Variants in OR51L1 observed in about 807,000 individuals in gnomAD.
OR51L1 encodes olfactory receptor family 51 subfamily L member 1.
In OR51L1, 1 loss-of-function variant was observed where a neutral mutation model predicts 1.4. The observed-to-expected ratio is 0.72, with a 90% confidence interval of 0.26 to 3.42. The LOEUF is 3.42. Ranked by LOEUF, OR51L1 falls within the 30% of genes most tolerant of loss-of-function variation. OR51L1 has a pLI of 0.20. For synonymous variants in OR51L1, 156 were observed against 144.2 expected, an observed-to-expected ratio of 1.08 and a Z score of -0.59; for missense variants, 378 against 380.0, an observed-to-expected ratio of 0.99 and a Z score of 0.04.
At position 4,999,825 on chromosome 11, in the gene OR51L1, C is replaced by G. The variant is rs61734126; in HGVS notation, c.843C>G (p.Ile281Met). 166,780 of 1,613,446 alleles carry G rather than the reference C, an allele frequency of 0.1. 9,262 individuals carry two copies. Among genetic ancestry groups the G allele is most frequent in the East Asian group, 0.17 (7,773 of 44,824 alleles). The change falls in exon 3 of 3, where the codon ATC (isoleucine) becomes ATG (methionine). Residue 281 changes from isoleucine (I) to methionine (M), a missense_variant. Ile to Met is a conservative substitution (Grantham distance 10). Coordinates refer to ENST00000641819, the MANE Select transcript of OR51L1 (RefSeq NM_001004755.2). Reference sequence around the variant, plus strand: ...TAGTCCACATCCTCATGGCAGACATCTACCTTCTTCTTCCCCCAGTCCTTA... The same window carrying G: ...TAGTCCACATCCTCATGGCAGACATGTACCTTCTTCTTCCCCCAGTCCTTA... ...SPIVHILMAD[I>M]YLLLPPVLNP... is the part of the protein sequence containing the mutation.
intron 2 of OR51L1, among the ~76,000 whole-genome samples, chr11:4,998,054 G>T (rs758741558): frequency 1.3e-5 from 2 of 152,118 alleles, no homozygotes; most frequent in Non-Finnish European, 2.9e-5. Context: ...CTGAAAACAT[G>T]TAATAGATAA....
At position 4,999,384 on chromosome 11, in the gene OR51L1, C is replaced by T; in HGVS notation, c.402C>T (p.Tyr134=). 1 of 1,614,162 alleles carries T rather than the reference C, an allele frequency of 6.2e-7. No homozygotes were observed. Among genetic ancestry groups the T allele is most frequent in the South Asian group, 1.1e-5 (1 of 91,082 alleles). Residue 134 remains tyrosine (Y), a synonymous_variant, in exon 3 of 3, where the codon TAC becomes TAT. Transcript: ENST00000641819. ...TTGCTATCTGCCATCCACTGCACTA[C>T]CCCACCATCCTCACCAACAGTGTAA... ...RFVAICHPLH[Y]PTILTNSVIG... is the part of the protein sequence containing the mutation.
Position 4,999,275 on chromosome 11 carries a change from C to G in OR51L1, c.293C>G (p.Ala98Gly), listed in dbSNP as rs747539456. The stretch of plus-strand genomic sequence containing the variant: ...GATGCTCCAGAGATCCAGGCAAGTG[C>G]TTGCTATGCTCAGCTGTTCTTCATC... ...WLDAPEIQAS[A>G]CYAQLFFIHT... The change falls in exon 3 of 3, where the codon GCT becomes GGT. Residue 98 changes from alanine (A) to glycine (G), a missense_variant. Ala to Gly is a moderately conservative substitution (Grantham distance 60). Coordinates refer to ENST00000641819, the MANE Select transcript of OR51L1 (RefSeq NM_001004755.2). 9.9e-5 allele frequency: 160 copies of G among 1,614,018 alleles called. No individual in the cohort carries two copies. The highest frequency in any genetic ancestry group is 1.3e-4 in the Non-Finnish European group (154 of 1,180,022).
At chr11:4,996,653 G>T (rs1847071052) in intron 1 of OR51L1, among the ~76,000 whole-genome samples, 2 of 151,830 alleles carry the variant, frequency 1.3e-5, no homozygotes, top group Non-Finnish European at 2.9e-5. Context: ...TGTGGCCACA[G>T]TTTTCTTTTC....
In OR51L1 at chr11:5,003,281, C is replaced by A. The variant is rs1450481832; in HGVS notation, c.*3351C>A. ...ACCCACATGCACAGTGCCCTCCTTA[C>A]CCTTAGGAAGTGAGCATGCACAGTG... On this transcript the variant is annotated 3_prime_UTR_variant, in exon 3 of 3. Coordinates refer to ENST00000641819, the MANE Select transcript of OR51L1 (RefSeq NM_001004755.2). 4 of 152,036 alleles carry A rather than the reference C, an allele frequency of 2.6e-5. No individual in the cohort carries two copies. The highest frequency in any genetic ancestry group is 7.3e-5 in the African/African-American group (3 of 41,374). The allele number at this position is 152,036 out of a possible 1,614,324, so 9.4% of individuals were successfully genotyped here.
Position 5,003,657 on chromosome 11 carries a change from T to C in OR51L1, c.*3727T>C, listed in dbSNP as rs905744847. ...AATAAAATTCTCAAGGATTCCTTTT[T>C]TTCAGGCAGATGAAACAGGATGAGA... On this transcript the variant is annotated 3_prime_UTR_variant, in exon 3 of 3. Coordinates refer to ENST00000641819, the MANE Select transcript of OR51L1 (RefSeq NM_001004755.2). The C allele has an allele frequency of 4.6e-5, 7 of 152,168 alleles. No individual in the cohort carries two copies. Among genetic ancestry groups the C allele is most frequent in the Non-Finnish European group, 1.0e-4 (7 of 68,036 alleles). The allele number at this position is 152,168 out of a possible 1,614,324, so 9.4% of individuals were successfully genotyped here.
At position 4,999,312 on chromosome 11, in the gene OR51L1, A is replaced by G. The variant is rs368384016; in HGVS notation, c.330A>G (p.Thr110=). 6.2e-7 allele frequency: 1 copy of G among 1,614,032 alleles called. No homozygotes were observed. The highest frequency in any genetic ancestry group is 8.5e-7 in the Non-Finnish European group (1 of 1,180,036). Residue 110 remains threonine (T), a synonymous_variant, in exon 3 of 3, where the codon ACA becomes ACG. Coordinates refer to ENST00000641819, the MANE Select transcript of OR51L1 (RefSeq NM_001004755.2). The stretch of plus-strand genomic sequence containing the variant: ...AGCTGTTCTTCATCCACACATTCAC[A>G]TTCCTGGAGTCCTCAGTGTTGCTGG... ...YAQLFFIHTF[T]FLESSVLLAM... is the part of the protein sequence containing the mutation.
At chr11:4,996,784 GTTTC>G (rs1466056296) in intron 1 of OR51L1, among the ~76,000 whole-genome samples, 24 of 58,846 alleles carry the variant, frequency 4.1e-4, no homozygotes, top group East Asian at 8.9e-4. Flanking sequence ...CTCTCTCTCT[GTTTC>G]TTTCTTTCTC....
rs1339966577 is a variant in OR51L1, at chr11:4,999,508, C to T, written c.526C>T (p.Leu176Phe). 6.2e-7 allele frequency: 1 copy of T among 1,614,066 alleles called. No individual in the cohort carries two copies. The highest frequency in any genetic ancestry group is 8.5e-7 in the Non-Finnish European group (1 of 1,180,006). The change falls in exon 3 of 3, where the codon CTC (leucine) becomes TTC (phenylalanine). Residue 176 changes from leucine to phenylalanine, a missense_variant. Transcript: ENST00000641819. ...RHYHYCHGNA[L>F]SHAFCLHQDV... ...CTATCACTACTGCCATGGCAATGCC[C>T]TCTCTCACGCCTTCTGTTTGCACCA...
rs1346096618 is a variant in OR51L1, at chr11:5,001,479, G to A, written c.*1549G>A. The A allele has an allele frequency of 6.6e-6, 1 of 152,144 alleles. No homozygotes were observed. Among genetic ancestry groups the A allele is most frequent in the Non-Finnish European group, 1.5e-5 (1 of 68,018 alleles). 9.4% of individuals were successfully genotyped at this position (152,144 alleles called of 1,614,324 possible). A position where few individuals can be genotyped will look rare whatever the true frequency, so the allele number is the denominator to read the frequency against. Reference sequence around the variant, plus strand: ...TGTGTTGACTCTGTTCAATACTATAGGACAGGATTTTGTGTCTTAATTTGT... The same window carrying A: ...TGTGTTGACTCTGTTCAATACTATAAGACAGGATTTTGTGTCTTAATTTGT... On this transcript the variant is annotated 3_prime_UTR_variant, in exon 3 of 3. Coordinates refer to ENST00000641819, the MANE Select transcript of OR51L1 (RefSeq NM_001004755.2).
In OR51L1 at chr11:4,998,000, A is replaced by G. The variant is rs531076019; in HGVS notation, c.-160+417A>G. Among the ~76,000 whole-genome samples the G allele has an allele frequency of 6.6e-4, 101 of 152,306 alleles. 1 individual carries two copies. The highest frequency in any genetic ancestry group is 2.4e-3 in the African/African-American group (99 of 41,578). On this transcript the variant is annotated intron_variant, in intron 2 of 2. Coordinates refer to ENST00000641819, the MANE Select transcript of OR51L1 (RefSeq NM_001004755.2). Reference sequence around the variant, plus strand: ...ATCGTTTGGAAACAGAAATCAATCAATCAAAAAAATCAATAGAAATAAAGT... The same window carrying G: ...ATCGTTTGGAAACAGAAATCAATCAGTCAAAAAAATCAATAGAAATAAAGT...
At position 4,999,675 on chromosome 11, in the gene OR51L1, A is replaced by T. The variant is rs1847109866; in HGVS notation, c.693A>T (p.Ala231=). 2 of 1,614,028 alleles carry T rather than the reference A, an allele frequency of 1.2e-6. No homozygotes were observed. Among genetic ancestry groups the T allele is most frequent in the South Asian group, 2.2e-5 (2 of 91,080 alleles). The stretch of plus-strand genomic sequence containing the variant: ...TTCTTAATACTGTGCTGGATATTGC[A>T]TCTCGTGAAGAGCAGCTAAAGGCAC... ...VLILNTVLDI[A]SREEQLKALN... is the part of the protein sequence containing the mutation. Residue 231 remains alanine, a synonymous_variant, in exon 3 of 3, where the codon GCA becomes GCT. Transcript: ENST00000641819.
At position 5,005,073 on chromosome 11, in the gene OR51L1, G is replaced by A. The variant is rs1011265622; in HGVS notation, c.*5143G>A. ...CAGACTGGAAAGGTAAATGGCCTCA[G>A]GCATCTGGGAAGGGCTACCCACAGA... is the stretch of plus-strand genomic sequence containing the variant. On this transcript the variant is annotated 3_prime_UTR_variant, in exon 3 of 3. Coordinates refer to ENST00000641819, the MANE Select transcript of OR51L1 (RefSeq NM_001004755.2). 2.0e-5 allele frequency: 3 copies of A among 152,098 alleles called. No individual in the cohort carries two copies. Among genetic ancestry groups the A allele is most frequent in the African/African-American group, 7.2e-5 (3 of 41,416 alleles). 9.4% of individuals were successfully genotyped at this position (152,098 alleles called of 1,614,324 possible).
Position 4,999,924 on chromosome 11 carries a change from G to GT in OR51L1, c.946dup (p.Ter316LeufsTer19). On this transcript the variant is annotated frameshift_variant, in exon 3 of 3. Coordinates refer to ENST00000641819, the MANE Select transcript of OR51L1 (RefSeq NM_001004755.2). LOFTEE classifies it high-confidence loss of function. ...TCCACAAGTTTGTCCTAAGGAGGAG[G>GT]TTTTAAGTAACCTCTGTCCTCCAAC... 6.2e-7 allele frequency: 1 copy of GT among 1,603,658 alleles called. No individual in the cohort carries two copies. Among genetic ancestry groups the GT allele is most frequent in the Non-Finnish European group, 8.5e-7 (1 of 1,174,070 alleles).
In OR51L1 at chr11:5,003,475, A is replaced by G. The variant is rs559632328; in HGVS notation, c.*3545A>G. The G allele has an allele frequency of 2.0e-5, 3 of 152,350 alleles. No homozygotes were observed. In the East Asian group the frequency reaches 5.8e-4, roughly 29 times the overall value. 9.4% of individuals were successfully genotyped at this position (152,350 alleles called of 1,614,324 possible). ...CAGTTTAGTGCAACAGGTGTGGACC[A>G]TCAGGAAATGGCCTCTCCCTGGCGC... On this transcript the variant is annotated 3_prime_UTR_variant, in exon 3 of 3. Transcript: ENST00000641819.
chr11:5,005,109 G>A lies in OR51L1; in HGVS notation c.*5179G>A, dbSNP rs1847164776. On this transcript the variant is annotated 3_prime_UTR_variant, in exon 3 of 3. Coordinates refer to ENST00000641819, the MANE Select transcript of OR51L1 (RefSeq NM_001004755.2). ...AGGGCTACCCACAGATCATTCATAA[G>A]TAAATTCTTTGCTTGCCTCCCATAA... 1 of 152,170 alleles carries A rather than the reference G, an allele frequency of 6.6e-6. No homozygotes were observed. The highest frequency in any genetic ancestry group is 2.4e-5 in the African/African-American group (1 of 41,436). 9.4% of individuals were successfully genotyped at this position (152,170 alleles called of 1,614,324 possible). A position where few individuals can be genotyped will look rare whatever the true frequency, so the allele number is the denominator to read the frequency against.
intron 1 of OR51L1, among the ~76,000 whole-genome samples, chr11:4,995,873 G>T (rs2133658595): frequency 6.6e-6 from 1 of 152,166 alleles, no homozygotes; most frequent in African/African-American, 2.4e-5. Context: ...GACAGATATG[G>T]CAGTGAGAGG....
chr11:5,004,903 A>G lies in OR51L1; in HGVS notation c.*4973A>G, dbSNP rs1405242754. On this transcript the variant is annotated 3_prime_UTR_variant, in exon 3 of 3. Coordinates refer to ENST00000641819, the MANE Select transcript of OR51L1 (RefSeq NM_001004755.2). ...TCAAGGCATATTTTTTGATATGAATACATAGTTCAGTCAGAACTATGTAAA... is the reference window on the plus strand; with the variant it reads ...TCAAGGCATATTTTTTGATATGAATGCATAGTTCAGTCAGAACTATGTAAA... 1.3e-5 allele frequency: 2 copies of G among 152,194 alleles called. No homozygotes were observed. The highest frequency in any genetic ancestry group is 4.8e-5 in the African/African-American group (2 of 41,448). 9.4% of individuals were successfully genotyped at this position (152,194 alleles called of 1,614,324 possible). A position where few individuals can be genotyped will look rare whatever the true frequency, so the allele number is the denominator to read the frequency against.
At position 4,998,876 on chromosome 11, in the gene OR51L1, A is replaced by G. The variant is rs1010001309; in HGVS notation, c.-107A>G. On this transcript the variant is annotated 5_prime_UTR_variant, in exon 3 of 3. Coordinates refer to ENST00000641819, the MANE Select transcript of OR51L1 (RefSeq NM_001004755.2). The stretch of plus-strand genomic sequence containing the variant: ...CTCTGTGAGGTTAGACGAAAGATGT[A>G]TTTTTGTCCTCATTCCATTATTTGT... The G allele has an allele frequency of 5.0e-5, 62 of 1,249,576 alleles. No homozygotes were observed. In the African/African-American group the frequency reaches 7.8e-4, roughly 16 times the overall value. The allele number at this position is 1,249,576 out of a possible 1,614,324, so 77.4% of individuals were successfully genotyped here. A position where few individuals can be genotyped will look rare whatever the true frequency, so the allele number is the denominator to read the frequency against.
Sources: allele counts gnomAD v4.1 joint callset (sites outside exome capture counted in the v4.1 genomes callset), GRCh38; gene constraint gnomAD v4.1.1; transcripts MANE v1.5; gene names NCBI Gene and HGNC (gene_info 2026-07-23, HGNC 2026-07-21).